The following ANKRD18B variants were observed in gnomAD, a reference collection of about 807,000 sequenced individuals.
ANKRD18B encodes ankyrin repeat domain-containing protein 18B.
ANKRD18B carries 75 observed loss-of-function variants against 111.8 expected under a neutral mutation model. That is an observed-to-expected ratio of 0.67 (90% CI 0.56 to 0.81). The LOEUF (loss-of-function observed/expected upper bound fraction) is 0.81. ANKRD18B is among the 40% of genes least tolerant of loss of function. ANKRD18B has a pLI of 0.00. For synonymous variants in ANKRD18B, 356 were observed against 417.3 expected (o/e 0.85, Z 1.79); for missense variants, 1,038 against 1,225.5 (o/e 0.85, Z 2.28).
intron 10 of ANKRD18B, among the ~76,000 whole-genome samples, chr9:33,543,725 GTGTCTA>G (rs1447061157): frequency 6.6e-6 from 1 of 152,190 alleles, no homozygotes; most frequent in Non-Finnish European, 1.5e-5. Flanking sequence ...GTTGCCTTCA[GTGTCTA>G]TGTTCAGGGA....
At chr9:33,564,844 T>C (rs773710255) in intron 14 of ANKRD18B, among the ~76,000 whole-genome samples, 18 of 152,232 alleles carry the variant, frequency 1.2e-4, no homozygotes, top group Non-Finnish European at 2.2e-4. Context: ...TATTTCTTTT[T>C]TTTCTCTTAA....
intron 18 of ANKRD18B, 100 bp downstream of exon 18, chr9:33,571,391 A>G: frequency 9.6e-6 from 4 of 417,962 alleles, no homozygotes; most frequent in Non-Finnish European, 1.5e-5. Context: ...AGTAGATACT[A>G]CATTCAGTAT....
intron 12 of ANKRD18B, among the ~76,000 whole-genome samples, chr9:33,551,061 CAT>C (rs1161110724): frequency 2.0e-5 from 3 of 152,154 alleles, no homozygotes; most frequent in Admixed American, 6.6e-5. Context: ...TTGAAATGCA[CAT>C]GTTTTAGGTT....
intron 5 of ANKRD18B, among the ~76,000 whole-genome samples, chr9:33,535,477 C>T (rs1377769333): frequency 3.3e-5 from 5 of 151,540 alleles, no homozygotes; most frequent in Non-Finnish European, 7.4e-5. Flanking sequence ...TTAGTAGAGA[C>T]GGGGTTTCAC....
chr9:33,566,114 T>C, intron 14 of ANKRD18B, 105 bp from the exon 15 acceptor site: 1 of 1,016,658 alleles, frequency 9.8e-7, no homozygotes, highest in Non-Finnish European at 1.5e-6. Flanking sequence ...ACATTATAGA[T>C]AACATTTTAT....
chr9:33,573,215 G>GA (rs1462393787), downstream of ANKRD18B: 1 of 985,260 alleles, frequency 1.0e-6, no homozygotes, highest in Non-Finnish European at 1.2e-6. Flanking sequence ...AGCCACCGAG[G>GA]AAGCACAGGC....
chr9:33,529,014 G>A lies in ANKRD18B; in HGVS notation c.336G>A (p.Gln112=). 4 of 1,612,606 alleles carry A rather than the reference G, an allele frequency of 2.5e-6. No individual in the cohort carries two copies. Among genetic ancestry groups the A allele is most frequent in the Non-Finnish European group, 3.4e-6 (4 of 1,179,874 alleles). The part of the protein sequence containing the change: ...RTPLMKAVHC[Q]EEACAIILLK... Reference sequence around the variant, plus strand: ...AACACTAATAGGCTGTACACTGCCAGGAAGAGGCTTGTGCCATTATTCTCC... The same window carrying A: ...AACACTAATAGGCTGTACACTGCCAAGAAGAGGCTTGTGCCATTATTCTCC... Residue 112 remains glutamine, a synonymous_variant, in exon 3 of 19, where the codon CAG becomes CAA. Coordinates refer to ENST00000684830, the MANE Select transcript of ANKRD18B (RefSeq NM_001393611.1).
chr9:33,553,498 T>A (rs1159318307), intron 12 of ANKRD18B, among the ~76,000 whole-genome samples: 2 of 152,146 alleles, frequency 1.3e-5, no homozygotes, highest in Non-Finnish European at 2.9e-5. Context: ...TCTCAATCAA[T>A]AGCCTCTAAC....
At chr9:33,530,598 G>A (rs1487484249) in intron 3 of ANKRD18B, among the ~76,000 whole-genome samples, 1 of 150,344 alleles carries the variant, frequency 6.7e-6, no homozygotes, top group Non-Finnish European at 1.5e-5. Context: ...ATAGATAAGT[G>A]CAGGATATAA....
intron 12 of ANKRD18B, among the ~76,000 whole-genome samples, chr9:33,554,573 A>C (rs946835249): frequency 8.5e-5 from 13 of 152,136 alleles, no homozygotes; most frequent in East Asian, 3.9e-4. Context: ...GAGGCCGAGG[A>C]GGGCAGATCA....
At chr9:33,524,834 G>A in intron 1 of ANKRD18B, 139 bp downstream of exon 1, 1 of 1,065,764 alleles carries the variant, frequency 9.4e-7, no homozygotes, top group South Asian at 1.7e-5. Context: ...TCCATCGCTG[G>A]GAATTTCCCG....
In ANKRD18B at chr9:33,554,293, T is replaced by A. The variant is rs559868461; in HGVS notation, c.2218-1415T>A. 2.6e-5 allele frequency among the ~76,000 whole-genome samples: 4 copies of A among 152,210 alleles called. No individual in the cohort carries two copies. In the South Asian group the frequency reaches 8.3e-4, roughly 32 times the overall value. On this transcript the variant is annotated intron_variant, in intron 12 of 18. Coordinates refer to ENST00000684830, the MANE Select transcript of ANKRD18B (RefSeq NM_001393611.1). ...TTAGAAAATAACAGTGTACTCAAAGTAACATCCATAAGAATCAACATAAAA... is the reference window on the plus strand; with the variant it reads ...TTAGAAAATAACAGTGTACTCAAAGAAACATCCATAAGAATCAACATAAAA...
At chr9:33,524,751 C>G (rs1459532955) in intron 1 of ANKRD18B, 56 bp downstream of exon 1, 9 of 1,511,720 alleles carry the variant, frequency 6.0e-6, no homozygotes, top group Non-Finnish European at 8.0e-6. Flanking sequence ...TTTCCCCGCA[C>G]CGCCTGAGGC....
At position 33,552,480 on chromosome 9, in the gene ANKRD18B, A is replaced by G. The variant is rs1828460335; in HGVS notation, c.2217+1901A>G. Among the ~76,000 whole-genome samples, 7 of 152,308 alleles carry G rather than the reference A, an allele frequency of 4.6e-5. No individual in the cohort carries two copies. In the South Asian group the frequency reaches 1.5e-3, roughly 32 times the overall value. ...GATTCAGAAGACTTGATTTAGCAAT[A>G]GAGTCCAGGGTTTTCAGCTCCGTGG... On this transcript the variant is annotated intron_variant, in intron 12 of 18. Transcript: ENST00000684830.
At chr9:33,546,452 A>C (rs1828356884) in intron 10 of ANKRD18B, among the ~76,000 whole-genome samples, 1 of 152,154 alleles carries the variant, frequency 6.6e-6, no homozygotes. Context: ...TTTGACATGT[A>C]TGATTTTATC....
chr9:33,557,211 A>G (rs985355322), intron 13 of ANKRD18B, among the ~76,000 whole-genome samples: 5 of 152,036 alleles, frequency 3.3e-5, no homozygotes, highest in Non-Finnish European at 5.9e-5. Flanking sequence ...CCTTTTTTCT[A>G]AAACTGCCTG....
chr9:33,559,180 A>T (rs1253046236), intron 14 of ANKRD18B, among the ~76,000 whole-genome samples: 1 of 152,166 alleles, frequency 6.6e-6, no homozygotes, highest in Non-Finnish European at 1.5e-5. Context: ...AATAGAGGGT[A>T]AATATATCTT....
rs927664487 is a variant in ANKRD18B, at chr9:33,543,109, T to C, written c.1079-76T>C. ...CAATTTATAAAAGAAAAGTGTGTGTTGTTTTGTATCAATTTTTATAAAGAT... is the reference window on the plus strand; with the variant it reads ...CAATTTATAAAAGAAAAGTGTGTGTCGTTTTGTATCAATTTTTATAAAGAT... On this transcript the variant is annotated intron_variant, in intron 9 of 18. Transcript: ENST00000684830. The C allele has an allele frequency of 3.1e-6, 4 of 1,273,906 alleles. No individual in the cohort carries two copies. The African/African-American group carries it at 6.1e-5, about 19-fold the overall frequency. 78.9% of individuals were successfully genotyped at this position (1,273,906 alleles called of 1,614,324 possible). A position where few individuals can be genotyped will look rare whatever the true frequency, so the allele number is the denominator to read the frequency against.
In ANKRD18B at chr9:33,524,654, G is replaced by A; in HGVS notation, c.165G>A (p.Thr55=). 1.9e-6 allele frequency: 3 copies of A among 1,551,194 alleles called. No homozygotes were observed. The highest frequency in any genetic ancestry group is 2.6e-6 in the Non-Finnish European group (3 of 1,146,792). The change falls in exon 1 of 19, where the codon ACG becomes ACA. Residue 55 remains threonine, a synonymous_variant. Coordinates refer to ENST00000684830, the MANE Select transcript of ANKRD18B (RefSeq NM_001393611.1). The stretch of plus-strand genomic sequence containing the variant: ...CCGCAGAGGTGGAGCACTGCCTGAC[G>A]CGCAGGTTCCGGGACTTGGACGTCC... The part of the protein sequence containing the change: ...GDAAEVEHCL[T]RRFRDLDVRD...
Sources: gnomAD v4.1 joint callset for allele counts (sites outside exome capture counted in the v4.1 genomes callset) on GRCh38, gnomAD v4.1.1 for gene constraint, MANE v1.5 for transcripts, NCBI Gene and HGNC (gene_info 2026-07-23, HGNC 2026-07-21) for gene names.